IMMP2L: variants seen among roughly 807,000 people sequenced by gnomAD.
IMMP2L encodes mitochondrial inner membrane protease subunit 2.
In IMMP2L, 18 loss-of-function variants were observed where a neutral mutation model predicts 19.3. The ratio of observed to expected loss-of-function variants is 0.93; its 90% CI spans 0.64 to 1.38. The LOEUF (loss-of-function observed/expected upper bound fraction) is 1.38, where lower values mean the gene tolerates loss of function less well. IMMP2L is among the 40% of genes most tolerant of loss of function. The pLI is 0.00. For synonymous variants in IMMP2L, 76 were observed against 73.0 expected (o/e 1.04, Z -0.21); for missense variants, 233 against 218.2 (o/e 1.07, Z -0.43).
chr7:110,992,030 A>G (rs556051240), intron 3 of IMMP2L, among the ~76,000 whole-genome samples: 5 of 152,102 alleles, frequency 3.3e-5, no homozygotes, highest in Non-Finnish European at 7.3e-5. Flanking sequence ...TGTACCTGAC[A>G]GTTGTATTTT....
intron 3 of IMMP2L, among the ~76,000 whole-genome samples, chr7:111,131,223 GA>G (rs535923894): frequency 3.4e-5 from 5 of 147,228 alleles, no homozygotes; most frequent in Non-Finnish European, 3.0e-5. Context: ...TGATTGCAGT[GA>G]AAAAAAAAAT....
chr7:111,315,715 T>C (rs1823991201), intron 3 of IMMP2L, among the ~76,000 whole-genome samples: 1 of 151,492 alleles, frequency 6.6e-6, no homozygotes, highest in Non-Finnish European at 1.5e-5. Context: ...CAAGGAAACA[T>C]TTCCTAGTGG....
chr7:110,758,239 A>G lies in IMMP2L; in HGVS notation c.409-94518T>C, dbSNP rs1798146297. Among the ~76,000 whole-genome samples, 2 of 152,022 alleles carry G rather than the reference A, an allele frequency of 1.3e-5. No homozygotes were observed. The highest frequency in any genetic ancestry group is 1.3e-4 in the Admixed American group (2 of 15,236). On this transcript the variant is annotated intron_variant, in intron 5 of 5. Coordinates refer to ENST00000405709, the MANE Select transcript of IMMP2L (RefSeq NM_032549.4). This position sits in a 1 kb window ranked among gnomAD's most constrained non-coding sequence, Gnocchi z 4.6. ...TTTCTGTACAGTGATGTGGGTGAAA[A>G]TCTGACTGGAGTGGACTTAAGAGAA...
At chr7:111,295,314 C>T (rs982025677) in intron 3 of IMMP2L, among the ~76,000 whole-genome samples, 7 of 151,732 alleles carry the variant, frequency 4.6e-5, no homozygotes, top group African/African-American at 1.7e-4. Context: ...TAAACAAGGA[C>T]CACAGATAAG....
intron 3 of IMMP2L, among the ~76,000 whole-genome samples, chr7:111,282,578 C>A (rs929009453): frequency 6.6e-6 from 1 of 151,878 alleles, no homozygotes; most frequent in Non-Finnish European, 1.5e-5. Flanking sequence ...TTAAATAACT[C>A]TTTTTTTGAT....
intron 3 of IMMP2L, among the ~76,000 whole-genome samples, chr7:111,167,748 CACA>C (rs1292453453): frequency 1.3e-5 from 2 of 151,828 alleles, no homozygotes; most frequent in Non-Finnish European, 2.9e-5. Flanking sequence ...GTCCTAAGAA[CACA>C]ACAAGAGCCT....
At chr7:111,069,955 C>T (rs1794812940) in intron 3 of IMMP2L, among the ~76,000 whole-genome samples, 3 of 152,120 alleles carry the variant, frequency 2.0e-5, no homozygotes, top group African/African-American at 7.2e-5. Context: ...ACCGGCATCC[C>T]TAAAGTTTCA....
intron 4 of IMMP2L, among the ~76,000 whole-genome samples, chr7:110,937,487 G>A (rs955211466): frequency 1.3e-5 from 2 of 152,090 alleles, no homozygotes; most frequent in African/African-American, 4.8e-5. Context: ...AAGCTTAGGC[G>A]GGATTCACAC....
intron 3 of IMMP2L, among the ~76,000 whole-genome samples, chr7:111,427,678 A>T (rs1836219797): frequency 6.6e-6 from 1 of 151,814 alleles, no homozygotes; most frequent in African/African-American, 2.4e-5. Context: ...CAACCTTGGA[A>T]AAGGATCTTG....
At chr7:110,693,371 T>C (rs1793646276) in intron 5 of IMMP2L, among the ~76,000 whole-genome samples, 1 of 152,200 alleles carries the variant, frequency 6.6e-6, no homozygotes, top group Admixed American at 6.5e-5. Context: ...AATGTCACAA[T>C]GGAAAAGCCT....
intron 3 of IMMP2L, among the ~76,000 whole-genome samples, chr7:111,019,901 A>G (rs1255137242): frequency 6.6e-6 from 1 of 152,138 alleles, no homozygotes; most frequent in Middle Eastern, 3.2e-3. Context: ...TCTGGAATAC[A>G]GTAACATCTC....
At chr7:110,859,435 T>A (rs1462436010) in intron 5 of IMMP2L, among the ~76,000 whole-genome samples, 1 of 151,886 alleles carries the variant, frequency 6.6e-6, no homozygotes, top group Non-Finnish European at 1.5e-5. Flanking sequence ...AAATATTGAT[T>A]TTTTGTTAAA....
chr7:111,343,753 T>C (rs1375359972), intron 3 of IMMP2L, among the ~76,000 whole-genome samples: 1 of 152,134 alleles, frequency 6.6e-6, no homozygotes, highest in Non-Finnish European at 1.5e-5. Context: ...AATTTGATGG[T>C]CTAGGTGTTC....
chr7:110,820,030 C>T (rs1380616864), intron 5 of IMMP2L, among the ~76,000 whole-genome samples: 1 of 151,880 alleles, frequency 6.6e-6, no homozygotes, highest in Non-Finnish European at 1.5e-5. Flanking sequence ...TGGTAACATT[C>T]TAAAATGTTT....
At chr7:111,463,664 T>C (rs1840348759) in intron 3 of IMMP2L, among the ~76,000 whole-genome samples, 1 of 152,168 alleles carries the variant, frequency 6.6e-6, no homozygotes, top group African/African-American at 2.4e-5. Context: ...CCCACCTCTT[T>C]TTCCTTCTGC....
chr7:111,387,797 G>A (rs1012582394), intron 3 of IMMP2L, among the ~76,000 whole-genome samples: 6 of 151,664 alleles, frequency 4.0e-5, no homozygotes, highest in Admixed American at 3.3e-4. Context: ...CCAACATGAT[G>A]AAACCTCATC....
intron 5 of IMMP2L, among the ~76,000 whole-genome samples, chr7:110,879,468 A>G (rs980844158): frequency 6.6e-6 from 1 of 151,978 alleles, no homozygotes; most frequent in Non-Finnish European, 1.5e-5. Flanking sequence ...GTATGCTCCC[A>G]CTCTGCTTCA....
chr7:111,107,136 T>C (rs999358367), intron 3 of IMMP2L, among the ~76,000 whole-genome samples: 3 of 151,124 alleles, frequency 2.0e-5, no homozygotes, highest in Non-Finnish European at 4.4e-5. Flanking sequence ...GTGAAAAAGA[T>C]AGGTGGGAGA....
chr7:110,831,967 A>G (rs1037186289), intron 5 of IMMP2L, among the ~76,000 whole-genome samples: 1 of 152,216 alleles, frequency 6.6e-6, no homozygotes, highest in South Asian at 2.1e-4. Flanking sequence ...ATTTGACTTT[A>G]AAACCACTCT....
Sources: gnomAD v4.1 joint callset for allele counts (sites outside exome capture counted in the v4.1 genomes callset) on GRCh38, gnomAD v4.1.1 for gene constraint, Gnocchi (gnomAD v3.1) non-coding constraint, MANE v1.5 for transcripts, NCBI Gene and HGNC (gene_info 2026-07-23, HGNC 2026-07-21) for gene names.